Variants in FYN observed in about 807,000 individuals in gnomAD.
FYN encodes the protein tyrosine-protein kinase Fyn.
A neutral mutation model predicts 70.2 loss-of-function variants in FYN; 10 were observed. The observed-to-expected ratio is 0.14, with a 90% CI of 0.09 to 0.24. The LOEUF (loss-of-function observed/expected upper bound fraction) is 0.24, where lower values mean the gene tolerates loss of function less well. Ranked by LOEUF, FYN falls within the 10% of genes least tolerant of loss-of-function variation. FYN has a pLI of 1.00. For synonymous variants in FYN, 236 were observed against 248.6 expected, an observed-to-expected ratio of 0.95 and a Z score of 0.48; for missense variants, 319 against 673.1, an observed-to-expected ratio of 0.47 and a Z score of 5.82.
At chr6:111,859,764 C>T (rs148217949) in intron 1 of FYN, among the ~76,000 whole-genome samples, 1 of 152,222 alleles carries the variant, frequency 6.6e-6, no homozygotes, top group African/African-American at 2.4e-5. Flanking sequence ...TCAATGGTGC[C>T]AACCCCCCAA....
chr6:111,676,996 T>C (rs1798554775), intron 12 of FYN, among the ~76,000 whole-genome samples: 1 of 152,224 alleles, frequency 6.6e-6, no homozygotes, highest in African/African-American at 2.4e-5. Flanking sequence ...TTATAATATA[T>C]AAACCTTCAA....
chr6:111,749,910 C>G (rs1270996342), intron 3 of FYN, among the ~76,000 whole-genome samples: 2 of 151,898 alleles, frequency 1.3e-5, no homozygotes, highest in East Asian at 3.9e-4. Flanking sequence ...ATGGAGACCT[C>G]TAGGAAGACT....
intron 3 of FYN, among the ~76,000 whole-genome samples, chr6:111,751,458 A>AACAAAAACAACT (rs1802484451): frequency 6.8e-6 from 1 of 147,058 alleles, no homozygotes; most frequent in African/African-American, 2.7e-5. Context: ...AACAATTAAC[A>AACAAAAACAACT]ACAAAAACCC....
chr6:111,672,305 C>T (rs1447956336), intron 13 of FYN, among the ~76,000 whole-genome samples: 1 of 152,266 alleles, frequency 6.6e-6, no homozygotes, highest in Non-Finnish European at 1.5e-5. Flanking sequence ...GCCCCCTCTC[C>T]AGCACTCCTC....
At chr6:111,699,746 G>T in intron 9 of FYN, 1 of 1,396,308 alleles carries the variant, frequency 7.2e-7, no homozygotes. Flanking sequence ...AAAGATGGAA[G>T]GTGACTTGCC....
rs574070878 is a variant in FYN, at chr6:111,679,736, T to G, written c.1274-5106A>C. Among the ~76,000 whole-genome samples the G allele has an allele frequency of 2.6e-3, 398 of 152,244 alleles. 2 individuals carry two copies. Among genetic ancestry groups the G allele is most frequent in the African/African-American group, 9.1e-3 (380 of 41,540 alleles). On this transcript the variant is annotated intron_variant, in intron 12 of 13. Transcript: ENST00000354650. ...TAGAAAAGCAACAGCCACACACTAA[T>G]GAAACTTAAAACACCTGGAGAACCC...
intron 2 of FYN, among the ~76,000 whole-genome samples, chr6:111,801,784 G>C (rs1478626082): frequency 1.3e-5 from 2 of 152,120 alleles, no homozygotes; most frequent in Non-Finnish European, 2.9e-5. Flanking sequence ...ATATATATGG[G>C]TGTTCTGTGG....
intron 2 of FYN, among the ~76,000 whole-genome samples, chr6:111,791,932 C>T (rs1003637738): frequency 6.6e-6 from 1 of 152,128 alleles, no homozygotes; most frequent in Non-Finnish European, 1.5e-5. Context: ...AATAATAAAG[C>T]TCTTAGAAGA....
intron 3 of FYN, among the ~76,000 whole-genome samples, chr6:111,768,436 A>C (rs1016527206): frequency 6.6e-6 from 1 of 152,182 alleles, no homozygotes; most frequent in Admixed American, 6.5e-5. Flanking sequence ...CATGTGTACA[A>C]ACAGATTTCA....
intron 2 of FYN, among the ~76,000 whole-genome samples, chr6:111,823,411 TAGAAAAC>T (rs1029748695): frequency 1.3e-5 from 2 of 152,176 alleles, no homozygotes; most frequent in African/African-American, 4.8e-5. Context: ...CTCAAATTTT[TAGAAAAC>T]ACTGGACTAG....
chr6:111,793,665 T>C (rs1180813080), intron 2 of FYN: 1 of 152,218 alleles, frequency 6.6e-6, no homozygotes, highest in African/African-American at 2.4e-5. Context: ...CTCTGGAATA[T>C]ACATGGTCAT....
At chr6:111,696,586 A>G in intron 9 of FYN, 130 bp from the exon 10 acceptor site, 1 of 673,508 alleles carries the variant, frequency 1.5e-6, no homozygotes, top group Non-Finnish European at 2.3e-6. Flanking sequence ...TGTTGAACAA[A>G]GACATTCAAT....
chr6:111,704,747 G>A (rs773301736), intron 6 of FYN, among the ~76,000 whole-genome samples: 3 of 150,568 alleles, frequency 2.0e-5, no homozygotes, highest in Non-Finnish European at 4.4e-5. Context: ...GAGCAAAGCC[G>A]TGTCTCAAAA....
At chr6:111,739,867 A>G (rs1162041954) in intron 3 of FYN, among the ~76,000 whole-genome samples, 1 of 152,214 alleles carries the variant, frequency 6.6e-6, no homozygotes, top group Non-Finnish European at 1.5e-5. Context: ...CCTGTCGCCC[A>G]GGCTGGAACC....
At chr6:111,708,096 T>G in intron 5 of FYN, 76 bp from the exon 6 acceptor site, 1 of 1,073,618 alleles carries the variant, frequency 9.3e-7, no homozygotes, top group South Asian at 1.3e-5. Context: ...TGGTCTGAAG[T>G]GTATAACTGT....
intron 4 of FYN, among the ~76,000 whole-genome samples, chr6:111,718,167 A>C (rs1390207358): frequency 1.3e-5 from 2 of 152,188 alleles, no homozygotes; most frequent in African/African-American, 4.8e-5. Context: ...TCCTTGCATC[A>C]GCTGACAAGT....
chr6:111,681,796 T>A (rs1798791321), intron 12 of FYN, among the ~76,000 whole-genome samples: 1 of 151,984 alleles, frequency 6.6e-6, no homozygotes, highest in African/African-American at 2.4e-5. Context: ...ACTGGGCACA[T>A]GAGGTGGATG....
chr6:111,808,006 G>A (rs984760438), intron 2 of FYN, among the ~76,000 whole-genome samples: 1 of 152,166 alleles, frequency 6.6e-6, no homozygotes, highest in Non-Finnish European at 1.5e-5. Flanking sequence ...TACTCGAGAG[G>A]CTGAGGTAGG....
At chr6:111,785,512 C>A (rs1399880485) in intron 2 of FYN, among the ~76,000 whole-genome samples, 7 of 152,186 alleles carry the variant, frequency 4.6e-5, no homozygotes, top group Non-Finnish European at 8.8e-5. Flanking sequence ...ACTCTGGTTA[C>A]AGCACTTCTC....
Sources: allele counts gnomAD v4.1 joint callset (sites outside exome capture counted in the v4.1 genomes callset), GRCh38; gene constraint gnomAD v4.1.1; transcripts MANE v1.5; gene names NCBI Gene and HGNC (gene_info 2026-07-23, HGNC 2026-07-21).